SLC38A8: variants seen among roughly 807,000 people sequenced by gnomAD.
The protein encoded by SLC38A8 is amino acid transporter SLC38A8.
In SLC38A8, 65 loss-of-function variants were observed where a neutral mutation model predicts 46.0. That is an observed-to-expected ratio of 1.41 (90% CI 1.16 to 1.74). The LOEUF is 1.74. Ranked by LOEUF, SLC38A8 falls within the 40% of genes most tolerant of loss-of-function variation. The pLI, the probability that SLC38A8 is intolerant of heterozygous loss-of-function variation, is 0.00. For synonymous variants in SLC38A8, 447 were observed against 243.7 expected (o/e 1.83, Z -7.77); for missense variants, 998 against 567.9 (o/e 1.76, Z -7.70).
intron 2 of SLC38A8, among the ~76,000 whole-genome samples, 193 bp from the exon 3 acceptor site, chr16:84,037,093 A>G (rs1056871372): frequency 6.6e-5 from 10 of 152,224 alleles, no homozygotes; most frequent in African/African-American, 2.4e-4. Flanking sequence ...TCCTGAAATC[A>G]GAGCTGCAGT....
chr16:84,013,414 TTG>T (rs201988638), intron 9 of SLC38A8, among the ~76,000 whole-genome samples: 2,647 of 130,572 alleles, frequency 0.02, 160 homozygotes, highest in African/African-American at 0.05. Flanking sequence ...CTTTCTTTTG[TTG>T]TGTGTGTGTT....
intron 6 of SLC38A8, among the ~76,000 whole-genome samples, chr16:84,026,572 G>A (rs944536403): frequency 6.6e-6 from 1 of 152,210 alleles, no homozygotes; most frequent in South Asian, 2.1e-4. Context: ...GCTGAGGGCA[G>A]GCAGTACCCA....
At chr16:84,038,942 T>C (rs991388629) in intron 2 of SLC38A8, among the ~76,000 whole-genome samples, 1 of 152,218 alleles carries the variant, frequency 6.6e-6, no homozygotes, top group Non-Finnish European at 1.5e-5. Context: ...CCTGTGAACG[T>C]GACTTACTGG....
At chr16:84,022,740 C>T in intron 7 of SLC38A8, 35 bp downstream of exon 7, 4 of 1,554,240 alleles carry the variant, frequency 2.6e-6, no homozygotes, top group Non-Finnish European at 3.6e-6. Context: ...CTGTCACTCC[C>T]CACCCTCTGC....
At chr16:84,015,630 C>T (rs1281579504) in intron 9 of SLC38A8, among the ~76,000 whole-genome samples, 8 of 152,192 alleles carry the variant, frequency 5.3e-5, no homozygotes, top group African/African-American at 1.9e-4. Context: ...ATAAACGTTC[C>T]TACGTCAAGA....
intron 7 of SLC38A8, among the ~76,000 whole-genome samples, chr16:84,018,223 CTTTTTTTTTT>C (rs796178053): frequency 1.3e-5 from 1 of 79,904 alleles, no homozygotes; most frequent in Non-Finnish European, 2.2e-5. Flanking sequence ...GCCCTCATTC[CTTTTTTTTTT>C]TTTTTTTTTT....
At chr16:84,013,855 C>G (rs1486293021) in intron 9 of SLC38A8, among the ~76,000 whole-genome samples, 2 of 152,124 alleles carry the variant, frequency 1.3e-5, no homozygotes, top group African/African-American at 2.4e-5. Context: ...CAGGAAATAG[C>G]CAGCGCTACA....
At chr16:84,013,362 C>T (rs1351749441) in intron 9 of SLC38A8, among the ~76,000 whole-genome samples, 2 of 151,758 alleles carry the variant, frequency 1.3e-5, no homozygotes, top group African/African-American at 4.8e-5. Flanking sequence ...AGAGTCCATG[C>T]CTGACACCCG....
intron 6 of SLC38A8, among the ~76,000 whole-genome samples, chr16:84,027,178 C>T (rs2085173945): frequency 1.3e-5 from 2 of 152,176 alleles, no homozygotes; most frequent in South Asian, 4.2e-4. Flanking sequence ...GTTGAAACCT[C>T]GTCTCTACTA....
intron 5 of SLC38A8, among the ~76,000 whole-genome samples, chr16:84,030,818 G>A (rs2085228901): frequency 1.3e-5 from 2 of 152,140 alleles, no homozygotes; most frequent in South Asian, 2.1e-4. Context: ...AGGGTACACT[G>A]AGCATGGGGC....
Position 84,033,397 on chromosome 16 carries a change from G to A in SLC38A8, c.461C>T (p.Pro154Leu), listed in dbSNP as rs2085267765. The A allele has an allele frequency of 1.2e-6, 2 of 1,613,958 alleles. No homozygotes were observed. The highest frequency in any genetic ancestry group is 2.2e-5 in the South Asian group (2 of 91,068). ...CAGGATGACCAGCACGGAGAGCAGG[G>A]GCAGGGTGAAGCGCTGGTCTGCGTA... The part of the protein sequence containing the change: ...PWYADQRFTL[P>L]LLSVLVILPL... The change falls in exon 4 of 11, where the codon CCC becomes CTC. Residue 154 changes from proline to leucine, a missense_variant. Coordinates refer to ENST00000299709, the MANE Select transcript of SLC38A8 (RefSeq NM_001080442.3).
At chr16:84,029,439 A>T (rs1372568500) in intron 6 of SLC38A8, 55 bp downstream of exon 6, 2 of 1,581,536 alleles carry the variant, frequency 1.3e-6, no homozygotes, top group Non-Finnish European at 1.7e-6. Context: ...GGGAGCAGAG[A>T]GTCACCCACA....
chr16:84,036,648 G>C (rs953932783), intron 3 of SLC38A8, 54 bp downstream of exon 3: 2 of 1,596,666 alleles, frequency 1.3e-6, no homozygotes, highest in Non-Finnish European at 1.7e-6. Flanking sequence ...AACTCCAAGA[G>C]GTCATTAGAG....
intron 9 of SLC38A8, among the ~76,000 whole-genome samples, chr16:84,015,702 A>C (rs1267302094): frequency 6.6e-6 from 1 of 152,106 alleles, no homozygotes; most frequent in Admixed American, 6.5e-5. Flanking sequence ...ACCAGGGACT[A>C]GGTAATGGTT....
rs139788251 is a variant in SLC38A8 at position 84,025,328 on chromosome 16, C to G, written c.691-2439G>C. On this transcript the variant is annotated intron_variant, in intron 6 of 10. Transcript: ENST00000299709. ...AGGAAGCTCAGATCAGCTAGGTCTTCCCTCCGCGCCTCAGGGCCTTTGCTA... is the reference window on the plus strand; with the variant it reads ...AGGAAGCTCAGATCAGCTAGGTCTTGCCTCCGCGCCTCAGGGCCTTTGCTA... 3.3e-3 allele frequency among the ~76,000 whole-genome samples: 505 copies of G among 152,286 alleles called. 7 individuals carry two copies. Among genetic ancestry groups the G allele is most frequent in the African/African-American group, 0.012 (490 of 41,554 alleles).
chr16:84,013,163 T>C (rs1263424361), intron 9 of SLC38A8, 111 bp from the exon 10 acceptor site: 1 of 1,217,772 alleles, frequency 8.2e-7, no homozygotes, highest in East Asian at 2.4e-5. Flanking sequence ...CCTCCGCCCA[T>C]GGGTGCCCCT....
chr16:84,027,425 G>C (rs1477898483), intron 6 of SLC38A8, among the ~76,000 whole-genome samples: 2 of 151,942 alleles, frequency 1.3e-5, no homozygotes, highest in Non-Finnish European at 1.5e-5. Context: ...CATTGGCTGG[G>C]AGTGGACACA....
chr16:84,026,987 T>C (rs966352044), intron 6 of SLC38A8, among the ~76,000 whole-genome samples: 12 of 152,122 alleles, frequency 7.9e-5, no homozygotes, highest in African/African-American at 2.2e-4. Context: ...CTAAAATCCA[T>C]TGCACTGCAC....
At chr16:84,019,296 G>A (rs377687070) in intron 7 of SLC38A8, among the ~76,000 whole-genome samples, 9 of 152,060 alleles carry the variant, frequency 5.9e-5, no homozygotes, top group East Asian at 5.8e-4. Flanking sequence ...GGATGCTCTC[G>A]ATCTCCTGAC....
Sources: allele counts gnomAD v4.1 joint callset (sites outside exome capture counted in the v4.1 genomes callset), GRCh38; gene constraint gnomAD v4.1.1; transcripts MANE v1.5; gene names NCBI Gene and HGNC (gene_info 2026-07-23, HGNC 2026-07-21).